FCGRT: variants seen among roughly 807,000 people sequenced by gnomAD.
FCGRT encodes the protein IgG receptor FcRn large subunit p51.
Under a neutral mutation model 35.7 loss-of-function variants are expected in FCGRT, and 13 were observed. The observed-to-expected ratio is 0.36, with a 90% confidence interval of 0.24 to 0.58. The LOEUF (loss-of-function observed/expected upper bound fraction) is 0.58. Ranked by LOEUF, FCGRT falls within the 20% of genes least tolerant of loss-of-function variation. The probability of loss-of-function intolerance (pLI) is 0.77; values close to 1 mark genes in which losing one functional copy is unlikely to be tolerated. For synonymous variants in FCGRT, 233 were observed against 216.5 expected (o/e 1.08, Z -0.67); for missense variants, 455 against 474.9 (o/e 0.96, Z 0.39).
At chr19:49,525,096 A>G (rs2080066239) in intron 5 of FCGRT, 3 of 558,252 alleles carry the variant, frequency 5.4e-6, no homozygotes, top group East Asian at 3.8e-5. Flanking sequence ...GAATCTGACC[A>G]TTCGTTGTCT....
chr19:49,514,326 G>T lies in FCGRT; in HGVS notation c.441G>T (p.Gln147His). Reference sequence around the variant, plus strand: ...AGTTCATGAATTTCGACCTCAAGCAGGGCACCTGGGGTGGGGACTGGCCCG... The same window carrying T: ...AGTTCATGAATTTCGACCTCAAGCATGGCACCTGGGGTGGGGACTGGCCCG... ...GEEFMNFDLK[Q>H]GTWGGDWPEA... The change falls in exon 4 of 7, where the codon CAG becomes CAT. Residue 147 changes from glutamine to histidine, a missense_variant. By Grantham distance (24) the Gln-to-His change is conservative. Around this residue, in one of 3 missense-constraint regions of FCGRT, gnomAD observed 312 missense variants for 296.1 expected, o/e 1.05. Transcript: ENST00000221466. 6.2e-7 allele frequency: 1 copy of T among 1,613,580 alleles called. No individual in the cohort carries two copies. Among genetic ancestry groups the T allele is most frequent in the Non-Finnish European group, 8.5e-7 (1 of 1,179,868 alleles).
At position 49,525,517 on chromosome 19, in the gene FCGRT, C is replaced by A; in HGVS notation, c.932C>A (p.Thr311Lys). Residue 311 changes from threonine to lysine, a missense_variant, in exon 6 of 7, where the codon ACG (threonine) becomes AAG (lysine). By Grantham distance (78) the Thr-to-Lys change is moderately conservative (BLOSUM62 -1). Coordinates refer to ENST00000221466, the MANE Select transcript of FCGRT (RefSeq NM_001136019.3). Reference sequence around the variant, plus strand: ...ATCGTCATCGGTGTCTTGCTACTCACGGCAGCGGCTGTAGGAGGAGCTCTG... The same window carrying A: ...ATCGTCATCGGTGTCTTGCTACTCAAGGCAGCGGCTGTAGGAGGAGCTCTG... Reference protein sequence around the residue: ...VGIVIGVLLLTAAAVGGALLW... With the variant: ...VGIVIGVLLLKAAAVGGALLW... 2 of 1,613,846 alleles carry A rather than the reference C, an allele frequency of 1.2e-6. No individual in the cohort carries two copies. Among genetic ancestry groups the A allele is most frequent in the Non-Finnish European group, 1.7e-6 (2 of 1,179,970 alleles).
In FCGRT at chr19:49,514,136, G is replaced by T. The variant is rs752845252; in HGVS notation, c.325+3G>T. On this transcript the variant is annotated splice_donor_region_variant and intron_variant, in intron 3 of 6. Transcript: ENST00000221466. ...TTTCAAAGCTTTGGGGGGAAAAGGT[G>T]AGATTCCGGTCTGGAGGGGCAAGGG... 6.2e-7 allele frequency: 1 copy of T among 1,613,030 alleles called. No individual in the cohort carries two copies. Among genetic ancestry groups the T allele is most frequent in the Non-Finnish European group, 8.5e-7 (1 of 1,179,684 alleles).
chr19:49,519,087 C>CT (rs1288684740), intron 4 of FCGRT, among the ~76,000 whole-genome samples: 1 of 152,038 alleles, frequency 6.6e-6, no homozygotes, highest in Non-Finnish European at 1.5e-5. Context: ...CCTGATCCGC[C>CT]TGCCTCAGCC....
At chr19:49,517,731 CTG>C (rs1222089292) in intron 4 of FCGRT, among the ~76,000 whole-genome samples, 1 of 152,136 alleles carries the variant, frequency 6.6e-6, no homozygotes, top group Admixed American at 6.6e-5. Context: ...GAGTCTCACT[CTG>C]TCATGCGGGA....
chr19:49,525,065 C>G (rs2080066036), intron 5 of FCGRT: 4 of 600,150 alleles, frequency 6.7e-6, no homozygotes, highest in Non-Finnish European at 1.2e-5. Context: ...GCTGCTGCTG[C>G]TGCTGCTGCG....
chr19:49,525,255 C>T (rs1211495530), intron 5 of FCGRT: 3 of 574,366 alleles, frequency 5.2e-6, no homozygotes, highest in Middle Eastern at 4.7e-4. Context: ...GGTGTGACCG[C>T]GGCCGCTCGT....
rs771593747 is a variant in FCGRT, at chr19:49,525,623, A to G, written c.988+50A>G. 45 of 1,289,448 alleles carry G rather than the reference A, an allele frequency of 3.5e-5. No homozygotes were observed. The South Asian group carries it at 5.0e-4, about 14-fold the overall frequency. The allele number at this position is 1,289,448 out of a possible 1,614,324, so 79.9% of individuals were successfully genotyped here. A position where few individuals can be genotyped will look rare whatever the true frequency, so the allele number is the denominator to read the frequency against. ...CTCTGAGAGAGGGACAGAGACCCCA[A>G]GAGAGGGGCACACAGACCTGGGAGG... is the stretch of plus-strand genomic sequence containing the variant. On this transcript the variant is annotated intron_variant, in intron 6 of 6. Transcript: ENST00000221466.
At chr19:49,525,738 C>T (rs532632860) in intron 6 of FCGRT, among the ~76,000 whole-genome samples, 165 bp downstream of exon 6, 11 of 147,392 alleles carry the variant, frequency 7.5e-5, no homozygotes, top group African/African-American at 2.5e-4. Flanking sequence ...GAGAGGGGGA[C>T]GGAGACAGAG....
At chr19:49,519,581 G>A (rs2080028366) in intron 4 of FCGRT, among the ~76,000 whole-genome samples, 1 of 152,076 alleles carries the variant, frequency 6.6e-6, no homozygotes, top group Non-Finnish European at 1.5e-5. Context: ...GATGTTGCTG[G>A]AAATAGTCCT....
chr19:49,524,567 G>A lies in FCGRT; in HGVS notation c.662G>A (p.Cys221Tyr). The A allele has an allele frequency of 6.2e-7, 1 of 1,613,132 alleles. No homozygotes were observed. The highest frequency in any genetic ancestry group is 8.5e-7 in the Non-Finnish European group (1 of 1,179,960). The change falls in exon 5 of 7, where the codon TGC becomes TAC. Residue 221 changes from cysteine (C) to tyrosine (Y), a missense_variant. Physicochemically the swap from Cys to Tyr is radical, Grantham distance 194. This residue lies in a region of FCGRT where 312 missense variants were observed against 296.1 expected (regional missense o/e 1.05). Transcript: ENST00000221466. ...AGCCCTGGCTTTTCCGTGCTTACCTGCAGCGCCTTCTCCTTCTACCCTCCG... is the reference window on the plus strand; with the variant it reads ...AGCCCTGGCTTTTCCGTGCTTACCTACAGCGCCTTCTCCTTCTACCCTCCG... The part of the protein sequence containing the change: ...PSSPGFSVLT[C>Y]SAFSFYPPEL...
intron 3 of FCGRT, 35 bp from the exon 4 acceptor site, chr19:49,514,176 C>G (rs1213237944): frequency 1.2e-6 from 2 of 1,610,122 alleles, no homozygotes; most frequent in South Asian, 1.1e-5. Context: ...GGTCCATGCT[C>G]CGGGGCCCCG....
rs939434904 is a variant in FCGRT, at chr19:49,524,555, C to T, written c.650C>T (p.Ser217Phe). Reference protein sequence around the residue: ...LKARPSSPGFSVLTCSAFSFY... With the variant: ...LKARPSSPGFFVLTCSAFSFY... ...GCCCGACCCAGCAGCCCTGGCTTTT[C>T]CGTGCTTACCTGCAGCGCCTTCTCC... The change falls in exon 5 of 7, where the codon TCC becomes TTC. Residue 217 changes from serine (S) to phenylalanine (F), a missense_variant. By Grantham distance (155) the Ser-to-Phe change is radical. Around this residue, in one of 3 missense-constraint regions of FCGRT, gnomAD observed 312 missense variants for 296.1 expected, o/e 1.05. Transcript: ENST00000221466. 3.1e-6 allele frequency: 5 copies of T among 1,612,758 alleles called. No homozygotes were observed. Among genetic ancestry groups the T allele is most frequent in the Non-Finnish European group, 4.2e-6 (5 of 1,179,500 alleles).
chr19:49,524,652 C>A lies in FCGRT; in HGVS notation c.747C>A (p.Phe249Leu). 6.2e-7 allele frequency: 1 copy of A among 1,607,472 alleles called. No individual in the cohort carries two copies. Among genetic ancestry groups the A allele is most frequent in the Middle Eastern group, 1.6e-4 (1 of 6,062 alleles). Reference protein sequence around the residue: ...GLAAGTGQGDFGPNSDGSFHA... With the variant: ...GLAAGTGQGDLGPNSDGSFHA... ...CCGCTGGCACCGGCCAGGGTGACTT[C>A]GGCCCCAACAGTGACGGATCCTTCC... Residue 249 changes from phenylalanine to leucine, a missense_variant, in exon 5 of 7, where the codon TTC becomes TTA. By Grantham distance (22) the Phe-to-Leu change is conservative (BLOSUM62 0). Transcript: ENST00000221466.
chr19:49,514,604 C>T, intron 4 of FCGRT, 118 bp downstream of exon 4: 1 of 1,018,636 alleles, frequency 9.8e-7, no homozygotes. Context: ...CTCTGCCCCC[C>T]CATTCCTCAG....
chr19:49,519,476 T>C (rs1449627573), intron 4 of FCGRT, among the ~76,000 whole-genome samples: 2 of 152,198 alleles, frequency 1.3e-5, no homozygotes, highest in Non-Finnish European at 2.9e-5. Flanking sequence ...CCATTTTCTT[T>C]TTGTTTTTTT....
rs1478976667 is a variant in FCGRT, at chr19:49,525,399, T to TCC, written c.872-57_872-56dup. ...GGACTGGGAGCGCCCCAGTTCTGTGTCCTGACTGGGTGGGGTGGAGGGGCT... is the reference window on the plus strand; with the variant it reads ...GGACTGGGAGCGCCCCAGTTCTGTGTCCCCTGACTGGGTGGGGTGGAGGGGCT... On this transcript the variant is annotated intron_variant, in intron 5 of 6. Transcript: ENST00000221466. 5.4e-6 allele frequency: 7 copies of TCC among 1,296,216 alleles called. No homozygotes were observed. In the African/African-American group the frequency reaches 1.0e-4, roughly 19 times the overall value. 80.3% of individuals were successfully genotyped at this position (1,296,216 alleles called of 1,614,324 possible).
chr19:49,525,259 C>G, intron 5 of FCGRT, 198 bp from the exon 6 acceptor site: 1 of 584,524 alleles, frequency 1.7e-6, no homozygotes, highest in Non-Finnish European at 3.1e-6. Context: ...TGACCGCGGC[C>G]GCTCGTGCTG....
rs1199688717 is a variant in FCGRT at position 49,526,183 on chromosome 19, C to T, written c.*64C>T. 2 of 1,038,662 alleles carry T rather than the reference C, an allele frequency of 1.9e-6. No homozygotes were observed. Among genetic ancestry groups the T allele is most frequent in the Non-Finnish European group, 3.0e-6 (2 of 664,530 alleles). 64.3% of individuals were successfully genotyped at this position (1,038,662 alleles called of 1,614,324 possible). The stretch of plus-strand genomic sequence containing the variant: ...GGCCCCTTTCATGCTGTGAGACCTC[C>T]TGGAACACTGGCATCTCTGAGCCTC... On this transcript the variant is annotated 3_prime_UTR_variant, in exon 7 of 7. Coordinates refer to ENST00000221466, the MANE Select transcript of FCGRT (RefSeq NM_001136019.3).
Sources: allele counts gnomAD v4.1 joint callset (sites outside exome capture counted in the v4.1 genomes callset), GRCh38; gene constraint gnomAD v4.1.1; regional missense constraint gnomAD v4.1.1; transcripts MANE v1.5; gene names NCBI Gene and HGNC (gene_info 2026-07-23, HGNC 2026-07-21).